The following TTC8 variants were observed in gnomAD, a reference collection of about 807,000 sequenced individuals.
TTC8 encodes tetratricopeptide repeat protein 8.
TTC8 carries 47 observed loss-of-function variants against 72.5 expected under a neutral mutation model. The ratio of observed to expected loss-of-function variants is 0.65; its 90% CI spans 0.51 to 0.83. The LOEUF (loss-of-function observed/expected upper bound fraction) is 0.83, where lower values mean the gene tolerates loss of function less well. Among genes scored for constraint, TTC8 ranks in the 40% least tolerant of loss-of-function variants. TTC8 has a pLI of 0.00. For synonymous variants in TTC8, 199 were observed against 221.4 expected, an observed-to-expected ratio of 0.90 and a Z score of 0.90; for missense variants, 611 against 623.2, an observed-to-expected ratio of 0.98 and a Z score of 0.21.
At chr14:88,849,458 T>C (rs1185876950) in intron 7 of TTC8, among the ~76,000 whole-genome samples, 1 of 152,180 alleles carries the variant, frequency 6.6e-6, no homozygotes, top group Non-Finnish European at 1.5e-5. Flanking sequence ...GTTTTCATAT[T>C]TAGATACCTT....
chr14:88,839,327 G>A (rs2094768562), intron 2 of TTC8, 125 bp from the exon 3 acceptor site: 1 of 932,608 alleles, frequency 1.1e-6, no homozygotes, highest in Non-Finnish European at 1.6e-6. Flanking sequence ...TTAAAATAAT[G>A]TGTTAAGAGG....
chr14:88,858,992 A>G (rs779137947), intron 9 of TTC8, among the ~76,000 whole-genome samples: 10 of 152,240 alleles, frequency 6.6e-5, no homozygotes, highest in East Asian at 1.9e-4. Context: ...CTATTTGACT[A>G]TCATCTTAAT....
rs2094884647 is a variant in TTC8, at chr14:88,861,271, A to G, written c.848A>G (p.Gln283Arg). Reference sequence around the variant, plus strand: ...GTGACTGCTTTAAATCTTTTCAAACAAGGCTTAGATAAGTTTCCAGGAGAA... The same window carrying G: ...GTGACTGCTTTAAATCTTTTCAAACGAGGCTTAGATAAGTTTCCAGGAGAA... Reference protein sequence around the residue: ...QPVTALNLFKQGLDKFPGEVT... With the variant: ...QPVTALNLFKRGLDKFPGEVT... Residue 283 changes from glutamine (Q) to arginine (R), a missense_variant, in exon 10 of 15, where the codon CAA becomes CGA. Coordinates refer to ENST00000380656, the MANE Select transcript of TTC8 (RefSeq NM_144596.4). 1.2e-6 allele frequency: 2 copies of G among 1,612,998 alleles called. No individual in the cohort carries two copies. Among genetic ancestry groups the G allele is most frequent in the Non-Finnish European group, 8.5e-7 (1 of 1,179,424 alleles).
At chr14:88,853,098 A>G (rs763114042) in intron 8 of TTC8, 42 bp downstream of exon 8, 3 of 1,444,090 alleles carry the variant, frequency 2.1e-6, no homozygotes, top group Non-Finnish European at 2.9e-6. Flanking sequence ...GTGGCCACGT[A>G]TTTTAGGGTC....
At chr14:88,867,863 A>C (rs1186042678) in intron 10 of TTC8, among the ~76,000 whole-genome samples, 1 of 152,242 alleles carries the variant, frequency 6.6e-6, no homozygotes, top group Non-Finnish European at 1.5e-5. Context: ...ACTGAAGCCT[A>C]GCACTGTGGG....
intron 10 of TTC8, among the ~76,000 whole-genome samples, chr14:88,863,366 TC>T (rs1448324985): frequency 3.9e-5 from 6 of 152,136 alleles, no homozygotes; most frequent in Non-Finnish European, 7.3e-5. Context: ...GGTACAAGCT[TC>T]CAAGAGCTCC....
intron 10 of TTC8, 44 bp downstream of exon 10, chr14:88,861,376 T>A (rs1171927218): frequency 7.2e-7 from 1 of 1,391,712 alleles, no homozygotes; most frequent in Non-Finnish European, 1.0e-6. Context: ...TACACAATAG[T>A]TTTACATATT....
At chr14:88,853,129 G>C (rs931432817) in intron 8 of TTC8, 73 bp downstream of exon 8, 36 of 1,050,724 alleles carry the variant, frequency 3.4e-5, no homozygotes, top group African/African-American at 3.1e-4. Context: ...TACTTTTTGA[G>C]GGGGGGGAGA....
At chr14:88,842,047 G>A (rs1293571301) in intron 6 of TTC8, among the ~76,000 whole-genome samples, 1 of 152,154 alleles carries the variant, frequency 6.6e-6, no homozygotes, top group Admixed American at 6.5e-5. Flanking sequence ...AAGAGAAAAT[G>A]AGAGGCAGAA....
intron 13 of TTC8, among the ~76,000 whole-genome samples, chr14:88,872,880 G>A (rs973151905): frequency 6.6e-6 from 1 of 152,032 alleles, no homozygotes; most frequent in African/African-American, 2.4e-5. Flanking sequence ...TCTGAGCCTG[G>A]CCACCTTTCT....
chr14:88,879,165 A>G (rs919164240), downstream of TTC8: 1 of 152,214 alleles, frequency 6.6e-6, no homozygotes, highest in African/African-American at 2.4e-5. Context: ...CAGTGTGAGC[A>G]TGAAGGCAAA....
At chr14:88,852,854 G>T (rs2273658) in intron 7 of TTC8, 117 bp from the exon 8 acceptor site, 2 of 899,076 alleles carry the variant, frequency 2.2e-6, no homozygotes, top group East Asian at 5.6e-5. Context: ...AGTTTCTGTC[G>T]GATTTCTAAT....
At chr14:88,832,183 G>A (rs2094728844) in intron 1 of TTC8, among the ~76,000 whole-genome samples, 1 of 152,134 alleles carries the variant, frequency 6.6e-6, no homozygotes. Context: ...ATGTATCCCT[G>A]AAGGGCAGAG....
Position 88,877,640 on chromosome 14 carries a change from T to C in TTC8, c.*230T>C. On this transcript the variant is annotated 3_prime_UTR_variant, in exon 15 of 15. Transcript: ENST00000380656. Reference sequence around the variant, plus strand: ...AATACAGGATTTAAACCTTTCTAAATAGATCCTGAAACTGTCTCTCACATT... The same window carrying C: ...AATACAGGATTTAAACCTTTCTAAACAGATCCTGAAACTGTCTCTCACATT... 2.6e-6 allele frequency: 1 copy of C among 383,764 alleles called. No individual in the cohort carries two copies. Among genetic ancestry groups the C allele is most frequent in the African/African-American group, 2.1e-5 (1 of 48,484 alleles). 23.8% of individuals were successfully genotyped at this position (383,764 alleles called of 1,614,324 possible). A position where few individuals can be genotyped will look rare whatever the true frequency, so the allele number is the denominator to read the frequency against.
intron 7 of TTC8, among the ~76,000 whole-genome samples, chr14:88,847,981 G>T (rs2094815459): frequency 6.6e-6 from 1 of 151,890 alleles, no homozygotes; most frequent in Admixed American, 6.6e-5. Context: ...AAATTAGCTA[G>T]GCATAATGGC....
chr14:88,839,676 A>G, intron 3 of TTC8, 104 bp downstream of exon 3: 1 of 1,299,632 alleles, frequency 7.7e-7, no homozygotes, highest in East Asian at 2.6e-5. Context: ...CTTTATATAT[A>G]TAAACATTAT....
intron 1 of TTC8, among the ~76,000 whole-genome samples, chr14:88,829,601 A>G: frequency 6.6e-6 from 1 of 152,222 alleles, no homozygotes; most frequent in East Asian, 1.9e-4. Flanking sequence ...TCAGATTATT[A>G]AAATCGGTGA....
rs1431788715 is a variant in TTC8, at chr14:88,848,146, AAAAG to A, written c.624+4297_624+4300del. Reference sequence around the variant, plus strand: ...CTCAAAAAAAAAAAAAAAAAAAAAAAAAAGCTGATCTTAATTTTTGAAAAATTTT... The same window carrying A: ...CTCAAAAAAAAAAAAAAAAAAAAAAACTGATCTTAATTTTTGAAAAATTTT... On this transcript the variant is annotated intron_variant, in intron 7 of 14. Transcript: ENST00000380656. 7.6e-3 allele frequency among the ~76,000 whole-genome samples: 1,140 copies of A among 149,826 alleles called. 8 individuals are homozygous for A. The highest frequency in any genetic ancestry group is 0.012 in the Non-Finnish European group (817 of 67,102).
rs1244458374 is a variant in TTC8, at chr14:88,871,520, C to T, written c.1050-29C>T. The T allele has an allele frequency of 1.2e-6, 2 of 1,611,530 alleles. No homozygotes were observed. The highest frequency in any genetic ancestry group is 1.7e-6 in the Non-Finnish European group (2 of 1,179,520). ...TAAAACTTACAAAGTTGGTCTGACA[C>T]CAAAATTTGTGTGTTCTTTTTTGAA... On this transcript the variant is annotated intron_variant, in intron 11 of 14. Transcript: ENST00000380656. This position sits in a 1 kb window ranked among gnomAD's most constrained non-coding sequence, Gnocchi z 4.1.
Sources: allele counts gnomAD v4.1 joint callset (sites outside exome capture counted in the v4.1 genomes callset), GRCh38; gene constraint gnomAD v4.1.1; non-coding constraint Gnocchi (gnomAD v3.1); transcripts MANE v1.5; gene names NCBI Gene and HGNC (gene_info 2026-07-23, HGNC 2026-07-21).